The following SPMIP3 variants were observed in gnomAD, a reference collection of about 807,000 sequenced individuals.
The protein encoded by SPMIP3 is sperm microtubule inner protein 3, also known as protein SPMIP3.
chr1:244,364,744 T>C, the SPMIP3 span: 1 of 1,614,122 alleles, frequency 6.2e-7, no homozygotes, highest in African/African-American at 1.3e-5. Flanking sequence ...CGTCGCCCAG[T>C]GATCCCGCCA....
the SPMIP3 span, among the ~76,000 whole-genome samples, chr1:244,374,836 G>A: frequency 6.6e-6 from 1 of 151,704 alleles, no homozygotes; most frequent in Non-Finnish European, 1.5e-5. Flanking sequence ...GACCCCAAGT[G>A]ATCCACCCAC....
At chr1:244,379,122 G>A in the SPMIP3 span, among the ~76,000 whole-genome samples, 1 of 151,358 alleles carries the variant, frequency 6.6e-6, no homozygotes. Flanking sequence ...TAGAGACGGG[G>A]TTTCACCATG....
chr1:244,363,314 A>T, the SPMIP3 span, among the ~76,000 whole-genome samples: 1 of 151,984 alleles, frequency 6.6e-6, no homozygotes, highest in Admixed American at 6.6e-5. Context: ...AGGCTGAGGC[A>T]GGAGAACTGT....
chr1:244,379,128 C>A, the SPMIP3 span, among the ~76,000 whole-genome samples: 1 of 151,830 alleles, frequency 6.6e-6, no homozygotes, highest in Non-Finnish European at 1.5e-5. Flanking sequence ...CGGGGTTTCA[C>A]CATGTTGGCC....
chr1:244,375,197 C>CT, the SPMIP3 span: 2 of 493,042 alleles, frequency 4.1e-6, no homozygotes, highest in African/African-American at 3.9e-5. Context: ...TAGAAAAGGG[C>CT]TGGTTATGCA....
At chr1:244,363,564 G>A in the SPMIP3 span, among the ~76,000 whole-genome samples, 92 of 152,210 alleles carry the variant, frequency 6.0e-4, no homozygotes, top group African/African-American at 1.5e-3. Flanking sequence ...CTCTGGGTGG[G>A]GCCCCCAGGA....
At chr1:244,389,025 G>A in the SPMIP3 span, 1 of 1,613,926 alleles carries the variant, frequency 6.2e-7, no homozygotes, top group African/African-American at 1.3e-5. Flanking sequence ...CTACTGTTGT[G>A]AAGAGAGAAG....
chr1:244,378,558 C>A, the SPMIP3 span: 1 of 1,614,000 alleles, frequency 6.2e-7, no homozygotes, highest in Admixed American at 1.7e-5. Context: ...TATTTGTCTT[C>A]GAAGACATTC....
At chr1:244,370,966 G>A in the SPMIP3 span, among the ~76,000 whole-genome samples, 1 of 152,196 alleles carries the variant, frequency 6.6e-6, no homozygotes, top group Non-Finnish European at 1.5e-5. Context: ...AAAATGCTCT[G>A]TAGAGGATGA....
At chr1:244,367,046 C>T in the SPMIP3 span, among the ~76,000 whole-genome samples, 1 of 152,016 alleles carries the variant, frequency 6.6e-6, no homozygotes, top group Non-Finnish European at 1.5e-5. Flanking sequence ...AGTTGTCAGC[C>T]GAGCATGATG....
chr1:244,388,823 A>T, the SPMIP3 span: 1 of 645,032 alleles, frequency 1.6e-6, no homozygotes, highest in Non-Finnish European at 2.7e-6. Context: ...CCCACATTTT[A>T]AATGCATTCA....
the SPMIP3 span, among the ~76,000 whole-genome samples, chr1:244,365,183 AC>A: frequency 2.6e-5 from 4 of 152,260 alleles, no homozygotes; most frequent in African/African-American, 7.2e-5. Context: ...GGCAGAACTT[AC>A]AGTAAGTACC....
At chr1:244,371,668 G>A in the SPMIP3 span, among the ~76,000 whole-genome samples, 4 of 152,078 alleles carry the variant, frequency 2.6e-5, no homozygotes, top group Non-Finnish European at 4.4e-5. Context: ...TTGTATGCAC[G>A]CCATGGTCAA....
chr1:244,357,605 A>T, the SPMIP3 span, among the ~76,000 whole-genome samples: 1 of 149,880 alleles, frequency 6.7e-6, no homozygotes, highest in Non-Finnish European at 1.5e-5. Context: ...GTTACTCAGG[A>T]GGCTGAGGCA....
chr1:244,364,113 C>CT, the SPMIP3 span, among the ~76,000 whole-genome samples: 55,962 of 147,984 alleles, frequency 0.38, 11,390 homozygotes, highest in Middle Eastern at 0.52. Context: ...TTTGCTTTTT[C>CT]TTTTTTTTTT....
At chr1:244,373,332 T>TTATATATATATATATATATATATATATA in the SPMIP3 span, among the ~76,000 whole-genome samples, 2,733 of 84,426 alleles carry the variant, frequency 0.032, 270 homozygotes, top group Non-Finnish European at 0.049. Flanking sequence ...CAAAAAAAAA[T>TTATATATATATATATATATATATATATA]TATATATATA....
chr1:244,364,813 G>A, the SPMIP3 span: 1 of 1,570,988 alleles, frequency 6.4e-7, no homozygotes. Context: ...CCAGGTGCCT[G>A]GGGAGTTAGA....
At chr1:244,378,952 G>A in the SPMIP3 span, among the ~76,000 whole-genome samples, 7 of 151,136 alleles carry the variant, frequency 4.6e-5, no homozygotes, top group South Asian at 6.2e-4. Flanking sequence ...TTTTTGAGAC[G>A]GAGTCTCGCT....
the SPMIP3 span, among the ~76,000 whole-genome samples, chr1:244,369,924 G>A: frequency 3.0e-4 from 45 of 152,182 alleles, 1 homozygote; most frequent in East Asian, 5.4e-3. Flanking sequence ...GGAAGATGGC[G>A]CCTCCATGTT....
Sources: gnomAD v4.1 joint callset for allele counts (sites outside exome capture counted in the v4.1 genomes callset) on GRCh38, gnomAD v4.1.1 for gene constraint, MANE v1.5 for transcripts, NCBI Gene and HGNC (gene_info 2026-07-23, HGNC 2026-07-21) for gene names.